Variants in SEC63 observed in about 807,000 individuals in gnomAD.
SEC63 encodes the protein translocation protein SEC63 homolog.
SEC63 carries 56 observed loss-of-function variants against 116.2 expected under a neutral mutation model. That is an observed-to-expected ratio of 0.48 (90% confidence interval 0.39 to 0.60). The LOEUF (loss-of-function observed/expected upper bound fraction) is 0.60, where lower values mean the gene tolerates loss of function less well. Ranked by LOEUF, SEC63 falls within the 20% of genes least tolerant of loss-of-function variation. The pLI is 0.00. For missense variants in SEC63, 668 were observed against 900.0 expected, an observed-to-expected ratio of 0.74 and a Z score of 3.30; for synonymous variants, 273 against 294.6, an observed-to-expected ratio of 0.93 and a Z score of 0.75.
At chr6:107,901,716 T>A (rs937276560) in intron 12 of SEC63, among the ~76,000 whole-genome samples, 199 bp from the exon 13 acceptor site, 3 of 152,070 alleles carry the variant, frequency 2.0e-5, no homozygotes, top group East Asian at 1.9e-4. Context: ...TAAGAATTTT[T>A]AAATTATAAA....
At chr6:107,953,805 C>G (rs1770636703) in intron 1 of SEC63, among the ~76,000 whole-genome samples, 1 of 124,340 alleles carries the variant, frequency 8.0e-6, no homozygotes, top group Non-Finnish European at 1.8e-5. Context: ...GGGGTGTGAG[C>G]CCCCCGCCCG....
intron 4 of SEC63, among the ~76,000 whole-genome samples, chr6:107,918,685 C>T (rs1787472431): frequency 6.7e-6 from 1 of 148,658 alleles, no homozygotes; most frequent in African/African-American, 2.5e-5. Flanking sequence ...GAGTGAGACT[C>T]CATCTCAAAA....
At position 107,957,968 on chromosome 6, in the gene SEC63, G is replaced by A. The variant is rs1265707645; in HGVS notation, c.42C>T (p.Thr14=). The A allele has an allele frequency of 3.7e-6, 6 of 1,613,470 alleles. No individual in the cohort carries two copies. Among genetic ancestry groups the A allele is most frequent in the South Asian group, 1.1e-5 (1 of 91,074 alleles). The part of the protein sequence containing the change: ...QQFQYDDSGN[T]FFYFLTSFVG... ...CGAAGGAGGTGAGGAAGTAGAAGAA[G>A]GTGTTCCCACTGTCATCGTACTGGA... Residue 14 remains threonine, a synonymous_variant, in exon 1 of 21, where the codon ACC becomes ACT. Coordinates refer to ENST00000369002, the MANE Select transcript of SEC63 (RefSeq NM_007214.5).
At chr6:107,911,453 C>T in intron 6 of SEC63, 57 bp from the exon 7 acceptor site, 1 of 1,196,268 alleles carries the variant, frequency 8.4e-7, no homozygotes, top group Non-Finnish European at 1.2e-6. Context: ...AAACAACATC[C>T]ATGAATTTAT....
chr6:107,915,126 A>C (rs760456306), intron 4 of SEC63, among the ~76,000 whole-genome samples: 9 of 152,184 alleles, frequency 5.9e-5, no homozygotes, highest in Non-Finnish European at 1.3e-4. Context: ...GCGTAATTTT[A>C]GTATAATTCA....
At chr6:107,931,506 T>C (rs1273762036) in intron 1 of SEC63, among the ~76,000 whole-genome samples, 13 of 151,412 alleles carry the variant, frequency 8.6e-5, no homozygotes, top group East Asian at 1.9e-4. Context: ...AAAAAATGTA[T>C]TGGGAGGCCG....
At chr6:107,880,284 C>T (rs532673691) in intron 18 of SEC63, among the ~76,000 whole-genome samples, 14 of 152,314 alleles carry the variant, frequency 9.2e-5, no homozygotes, top group Admixed American at 7.8e-4. Flanking sequence ...TTGACATCCT[C>T]GAGCAGAAAG....
chr6:107,897,544 T>G, intron 14 of SEC63, 105 bp downstream of exon 14: 1 of 839,004 alleles, frequency 1.2e-6, no homozygotes, highest in Admixed American at 2.1e-5. Context: ...TTTGCAAAAT[T>G]AGATCTTGGT....
At chr6:107,924,505 G>A (rs1221300747) in intron 3 of SEC63, among the ~76,000 whole-genome samples, 3 of 152,024 alleles carry the variant, frequency 2.0e-5, no homozygotes, top group Non-Finnish European at 4.4e-5. Context: ...GGCGGAGCTT[G>A]CAGTGAGCCG....
chr6:107,881,101 G>A (rs371325583), intron 18 of SEC63, 48 bp downstream of exon 18: 4 of 1,313,956 alleles, frequency 3.0e-6, no homozygotes, highest in African/African-American at 2.9e-5. Flanking sequence ...AAATCCCTGA[G>A]GAGAAAGTGA....
At chr6:107,871,970 A>G in intron 20 of SEC63, 123 bp from the exon 21 acceptor site, 1 of 928,360 alleles carries the variant, frequency 1.1e-6, no homozygotes, top group Non-Finnish European at 1.7e-6. Context: ...TATGGACACA[A>G]TTCTAAATTC....
intron 8 of SEC63, 145 bp from the exon 9 acceptor site, chr6:107,906,922 TTA>T (rs1787160959): frequency 1.5e-6 from 1 of 679,992 alleles, no homozygotes; most frequent in Non-Finnish European, 2.6e-6. Flanking sequence ...TGACAAGTAT[TTA>T]TTTCTTCCAT....
At chr6:107,940,311 T>C (rs1770348346) in intron 1 of SEC63, among the ~76,000 whole-genome samples, 1 of 152,202 alleles carries the variant, frequency 6.6e-6, no homozygotes, top group African/African-American at 2.4e-5. Flanking sequence ...ATCAAGAGCT[T>C]TGTCTTCCTT....
At position 107,870,838 on chromosome 6, in the gene SEC63, A is replaced by G. The variant is rs1398553186; in HGVS notation, c.*866T>C. On this transcript the variant is annotated 3_prime_UTR_variant, in exon 21 of 21. Coordinates refer to ENST00000369002, the MANE Select transcript of SEC63 (RefSeq NM_007214.5). ...ACAAAAAAAGCTTCCTTTGCATGTT[A>G]TACTTACTTTCCTTAAAAAGCTCCT... The G allele has an allele frequency of 6.6e-6, 1 of 152,262 alleles. No homozygotes were observed. Among genetic ancestry groups the G allele is most frequent in the East Asian group, 1.9e-4 (1 of 5,200 alleles). The allele number at this position is 152,262 out of a possible 1,614,324, so 9.4% of individuals were successfully genotyped here. A position where few individuals can be genotyped will look rare whatever the true frequency, so the allele number is the denominator to read the frequency against.
Position 107,911,362 on chromosome 6 carries a change from A to T in SEC63, c.608T>A (p.Ile203Asn). Residue 203 changes from isoleucine (I) to asparagine (N), a missense_variant, in exon 7 of 21, where the codon ATC (isoleucine) becomes AAC (asparagine). Physicochemically the swap from Ile to Asn is moderately radical, Grantham distance 149. Transcript: ENST00000369002. ...AAAACTTACCACAACAACTGGAAGG[A>T]TAACCATAAATGCCAATCCATATAC... ...LLVYGLAFMV[I>N]LPVVVGSWWY... 1 of 1,608,252 alleles carries T rather than the reference A, an allele frequency of 6.2e-7. No homozygotes were observed. Among genetic ancestry groups the T allele is most frequent in the Non-Finnish European group, 8.5e-7 (1 of 1,174,988 alleles).
intron 4 of SEC63, among the ~76,000 whole-genome samples, chr6:107,918,721 G>T (rs1300650677): frequency 6.7e-6 from 1 of 150,226 alleles, no homozygotes; most frequent in African/African-American, 2.5e-5. Context: ...ACAAAAAGAA[G>T]ACATACACTT....
chr6:107,885,905 A>C (rs1329424959), intron 16 of SEC63, among the ~76,000 whole-genome samples: 1 of 152,094 alleles, frequency 6.6e-6, no homozygotes, highest in Non-Finnish European at 1.5e-5. Context: ...CATGTGCAGA[A>C]CATGCAGGTT....
intron 7 of SEC63, among the ~76,000 whole-genome samples, chr6:107,910,313 A>T (rs1444914559): frequency 6.6e-6 from 1 of 152,124 alleles, no homozygotes; most frequent in Non-Finnish European, 1.5e-5. Context: ...AAAAAAATTT[A>T]AAAATTAGCA....
In SEC63 at chr6:107,902,826, A is replaced by C; in HGVS notation, c.1209+18T>G. 1 of 1,612,232 alleles carries C rather than the reference A, an allele frequency of 6.2e-7. No homozygotes were observed. On this transcript the variant is annotated intron_variant, in intron 12 of 20. Coordinates refer to ENST00000369002, the MANE Select transcript of SEC63 (RefSeq NM_007214.5). ...GGACAAACTGCTGAAAACTGACTTT[A>C]AAGTAGCAAAGAATTACCTTCTTAT...
Sources: gnomAD v4.1 joint callset for allele counts (sites outside exome capture counted in the v4.1 genomes callset) on GRCh38, gnomAD v4.1.1 for gene constraint, MANE v1.5 for transcripts, NCBI Gene and HGNC (gene_info 2026-07-23, HGNC 2026-07-21) for gene names.